CDH12: variants seen among roughly 807,000 people sequenced by gnomAD.
CDH12 encodes the protein cadherin 12, also known as cadherin-12.
A neutral mutation model predicts 74.1 loss-of-function variants in CDH12; 41 were observed. That is an observed-to-expected ratio of 0.55 (90% confidence interval 0.43 to 0.72). The LOEUF (loss-of-function observed/expected upper bound fraction) is 0.72, where lower values mean the gene tolerates loss of function less well. Ranked by LOEUF, CDH12 falls within the 30% of genes least tolerant of loss-of-function variation. The pLI is 0.00. For synonymous variants in CDH12, 399 were observed against 355.0 expected (o/e 1.12, Z -1.39); for missense variants, 945 against 977.2 (o/e 0.97, Z 0.44).
chr5:22,301,454 T>C (rs770305794), intron 3 of CDH12, among the ~76,000 whole-genome samples: 1 of 152,018 alleles, frequency 6.6e-6, no homozygotes, highest in African/African-American at 2.4e-5. Flanking sequence ...ATGAGTAAAG[T>C]GTCATTTTTG....
chr5:22,219,518 A>G (rs1413634813), intron 3 of CDH12, among the ~76,000 whole-genome samples: 1 of 151,728 alleles, frequency 6.6e-6, no homozygotes, highest in East Asian at 1.9e-4. Flanking sequence ...GGTGACTGCT[A>G]TCTGCCTTGC....
intron 8 of CDH12, among the ~76,000 whole-genome samples, chr5:21,833,579 A>G (rs1749358289): frequency 7.3e-6 from 1 of 136,086 alleles, no homozygotes; most frequent in Non-Finnish European, 1.6e-5. Flanking sequence ...TATATGTAAT[A>G]TATACCAAAC....
rs915608229 is a variant in CDH12 at position 22,351,018 on chromosome 5, T to C, written c.-333+54239A>G. 5.9e-5 allele frequency among the ~76,000 whole-genome samples: 9 copies of C among 152,082 alleles called. No homozygotes were observed. The East Asian group carries it at 1.5e-3, about 26-fold the overall frequency. On this transcript the variant is annotated intron_variant, in intron 3 of 14. Coordinates refer to ENST00000382254, the MANE Select transcript of CDH12 (RefSeq NM_004061.5). Reference sequence around the variant, plus strand: ...GTTTTTAATATAAAGCTGAAGATAATGGAATTCAGGCGGAGTCAAGCCTTA... The same window carrying C: ...GTTTTTAATATAAAGCTGAAGATAACGGAATTCAGGCGGAGTCAAGCCTTA...
chr5:21,838,133 C>A (rs906679055), intron 8 of CDH12, among the ~76,000 whole-genome samples: 1 of 152,090 alleles, frequency 6.6e-6, no homozygotes, highest in Non-Finnish European at 1.5e-5. Flanking sequence ...TGATCTTCAG[C>A]AAGTTATTAT....
intron 11 of CDH12, chr5:21,774,532 C>T (rs1745486955): frequency 6.6e-6 from 1 of 152,152 alleles, no homozygotes; most frequent in African/African-American, 2.4e-5. Context: ...CCCTAATAAA[C>T]TCCTTTTCAT....
chr5:22,380,576 ATTATT>A (rs1186815106), intron 3 of CDH12, among the ~76,000 whole-genome samples: 1 of 152,096 alleles, frequency 6.6e-6, no homozygotes, highest in Non-Finnish European at 1.5e-5. Flanking sequence ...AATAGAATTA[ATTATT>A]TTGAGTAGGC....
In CDH12 at chr5:22,554,934, C is replaced by A. The variant is rs561286493; in HGVS notation, c.-522-49570G>T. On this transcript the variant is annotated intron_variant, in intron 1 of 14. Transcript: ENST00000382254. ...GCACACTTAATCATGTGCTAGGGCA[C>A]AATTATTAAAATTAGTACAAAAAGC... 2.0e-3 allele frequency among the ~76,000 whole-genome samples: 307 copies of A among 152,142 alleles called. 1 individual carries two copies. Among genetic ancestry groups the A allele is most frequent in the Admixed American group, 4.1e-3 (63 of 15,264 alleles).
At chr5:22,724,692 A>G (rs1203954654) in intron 1 of CDH12, among the ~76,000 whole-genome samples, 1 of 151,856 alleles carries the variant, frequency 6.6e-6, no homozygotes, top group Non-Finnish European at 1.5e-5. Context: ...TGCTCTAAGC[A>G]TGTGTGTGCA....
At chr5:22,450,133 A>C (rs575007283) in intron 2 of CDH12, among the ~76,000 whole-genome samples, 1 of 152,070 alleles carries the variant, frequency 6.6e-6, no homozygotes, top group Non-Finnish European at 1.5e-5. Context: ...TCTCTTGAAA[A>C]CTGCATTAAT....
chr5:21,775,527 T>C (rs760918861), intron 11 of CDH12, among the ~76,000 whole-genome samples: 10 of 152,260 alleles, frequency 6.6e-5, no homozygotes, highest in Non-Finnish European at 1.3e-4. Context: ...GTCTACTCCT[T>C]GACAGCAACT....
chr5:21,779,299 C>A (rs1745777873), intron 11 of CDH12: 1 of 152,084 alleles, frequency 6.6e-6, no homozygotes, highest in Non-Finnish European at 1.5e-5. Context: ...CTCCTGGCCT[C>A]AAGTGATCCT....
At chr5:22,084,565 C>G (rs1188027046) in intron 4 of CDH12, among the ~76,000 whole-genome samples, 1 of 152,106 alleles carries the variant, frequency 6.6e-6, no homozygotes, top group East Asian at 1.9e-4. Context: ...AATCTCATCC[C>G]TCAATGAGAA....
chr5:22,765,672 C>T (rs918265274), intron 1 of CDH12, among the ~76,000 whole-genome samples: 29 of 151,978 alleles, frequency 1.9e-4, no homozygotes, highest in East Asian at 1.4e-3. Flanking sequence ...GATATTCCAT[C>T]GGTAACAGAT....
chr5:22,453,067 CA>C (rs34228205), intron 2 of CDH12, among the ~76,000 whole-genome samples: 3 of 151,250 alleles, frequency 2.0e-5, no homozygotes, highest in Admixed American at 1.3e-4. Flanking sequence ...TGGCTATTAT[CA>C]AAAAAAGAAA....
chr5:22,694,602 AT>A (rs1224249117), intron 1 of CDH12, among the ~76,000 whole-genome samples: 13 of 151,922 alleles, frequency 8.6e-5, no homozygotes, highest in Admixed American at 7.2e-4. Flanking sequence ...CTATTTCTGT[AT>A]TTTTTTATTT....
intron 6 of CDH12, chr5:21,883,072 C>T (rs1270196670): frequency 1.9e-6 from 3 of 1,609,584 alleles, no homozygotes; most frequent in East Asian, 2.2e-5. Context: ...CAGTCTAAAC[C>T]TGTGACCACC....
chr5:21,795,211 A>AT (rs5866527), intron 10 of CDH12, among the ~76,000 whole-genome samples: 89,453 of 151,038 alleles, frequency 0.59, 29,129 homozygotes, highest in Non-Finnish European at 0.73. Flanking sequence ...AATAAATGTG[A>AT]TTTTTTTTAA....
chr5:21,920,058 T>C (rs115503417), intron 6 of CDH12, among the ~76,000 whole-genome samples: 10,110 of 152,260 alleles, frequency 0.066, 403 homozygotes, highest in African/African-American at 0.098. Flanking sequence ...TATTAGGACA[T>C]ATATTATTTT....
At chr5:22,439,414 C>A (rs1744533004) in intron 2 of CDH12, among the ~76,000 whole-genome samples, 1 of 151,924 alleles carries the variant, frequency 6.6e-6, no homozygotes. Context: ...AACAATGACC[C>A]ATAAATGTCA....
Sources: gnomAD v4.1 joint callset for allele counts (sites outside exome capture counted in the v4.1 genomes callset) on GRCh38, gnomAD v4.1.1 for gene constraint, MANE v1.5 for transcripts, NCBI Gene and HGNC (gene_info 2026-07-23, HGNC 2026-07-21) for gene names.